Variants in DSC3 observed in about 807,000 individuals in gnomAD.
DSC3 encodes the protein desmocollin-3.
In DSC3, 97 loss-of-function variants were observed where a neutral mutation model predicts 89.5. The ratio of observed to expected loss-of-function variants is 1.08; its 90% CI spans 0.92 to 1.28. The LOEUF (loss-of-function observed/expected upper bound fraction) is 1.28. DSC3 is among the 50% of genes most tolerant of loss of function. DSC3 has a pLI of 0.00. For missense variants in DSC3, 1,199 were observed against 1,085.3 expected (o/e 1.10, Z -1.47); for synonymous variants, 436 against 384.1 (o/e 1.14, Z -1.58).
chr18:31,001,635 G>A lies in DSC3; in HGVS notation c.2218C>T (p.Pro740Ser), dbSNP rs114935867. Residue 740 changes from proline to serine, a missense_variant, in exon 14 of 16, where the codon CCT becomes TCT. Coordinates refer to ENST00000360428, the MANE Select transcript of DSC3 (RefSeq NM_001941.5). ...TTACTTACCACTCTATCGTCTCCAG[G>A]TGCTTCTGTGTTTGATATAATTAAG... ...QNLIISNTEA[P>S]GDDRVCSANG... 5,131 of 1,610,450 alleles carry A rather than the reference G, an allele frequency of 3.2e-3. 10 individuals carry two copies. Among genetic ancestry groups the A allele is most frequent in the Non-Finnish European group, 3.8e-3 (4,485 of 1,177,796 alleles).
At chr18:31,018,474 G>A (rs1164759672) in intron 8 of DSC3, among the ~76,000 whole-genome samples, 192 bp downstream of exon 8, 1 of 151,994 alleles carries the variant, frequency 6.6e-6, no homozygotes, top group Non-Finnish European at 1.5e-5. Flanking sequence ...TTTGACAGAA[G>A]GGAGATAATA....
intron 13 of DSC3, among the ~76,000 whole-genome samples, chr18:31,002,378 A>T (rs58079690): frequency 0.013 from 2,044 of 152,314 alleles, 45 homozygotes; most frequent in African/African-American, 0.047. Flanking sequence ...AAAATGGTTG[A>T]AAAAATTCAG....
At chr18:31,009,056 T>G (rs986329510) in intron 9 of DSC3, among the ~76,000 whole-genome samples, 1 of 152,134 alleles carries the variant, frequency 6.6e-6, no homozygotes, top group East Asian at 1.9e-4. Flanking sequence ...TTCTTTTATT[T>G]TATTTTTGAG....
Position 31,008,303 on chromosome 18 carries a change from A to G in DSC3, c.1486T>C (p.Tyr496His), listed in dbSNP as rs771806710. The change falls in exon 10 of 16, where the codon TAT becomes CAT. Residue 496 changes from tyrosine (Y) to histidine (H), a missense_variant. Transcript: ENST00000360428. Reference protein sequence around the residue: ...VGSKINGYKAYDPENRNGNGL... With the variant: ...VGSKINGYKAHDPENRNGNGL... The stretch of plus-strand genomic sequence containing the variant: ...TTGCCATTTCTATTTTCGGGGTCAT[A>G]TGCCTTATAGCCGTTGATCTTTGAC... 3 of 1,614,102 alleles carry G rather than the reference A, an allele frequency of 1.9e-6. No individual in the cohort carries two copies. In the Admixed American group the frequency reaches 5.0e-5, roughly 27 times the overall value.
chr18:31,036,779 C>T (rs1985982177), intron 1 of DSC3, among the ~76,000 whole-genome samples: 3 of 118,732 alleles, frequency 2.5e-5, no homozygotes, highest in Admixed American at 8.5e-5. Context: ...ATTATATTTC[C>T]TTTTTGCTTT....
chr18:31,025,655 C>T, intron 5 of DSC3, 105 bp downstream of exon 5: 3 of 1,220,542 alleles, frequency 2.5e-6, no homozygotes, highest in Admixed American at 1.7e-5. Context: ...TCTAAGATAC[C>T]CTCTAAGAAG....
chr18:31,009,200 G>A (rs1475953229), intron 9 of DSC3, among the ~76,000 whole-genome samples: 1 of 152,020 alleles, frequency 6.6e-6, no homozygotes, highest in African/African-American at 2.4e-5. Flanking sequence ...ACAGGCACGT[G>A]CCACCATAAT....
chr18:31,024,244 G>A lies in DSC3; in HGVS notation c.775+105C>T, dbSNP rs145692468. The stretch of plus-strand genomic sequence containing the variant: ...TCTGGTAAGTAGATTCTAGTTCAGC[G>A]TTATCTCAGGCTGATCTGGCCTTGA... On this transcript the variant is annotated intron_variant, in intron 6 of 15. Coordinates refer to ENST00000360428, the MANE Select transcript of DSC3 (RefSeq NM_001941.5). The A allele has an allele frequency of 1.1e-3, 1,185 of 1,086,038 alleles. 6 individuals carry two copies. In the African/African-American group the frequency reaches 0.017, roughly 16 times the overall value. The allele number at this position is 1,086,038 out of a possible 1,614,324, so 67.3% of individuals were successfully genotyped here. A position where few individuals can be genotyped will look rare whatever the true frequency, so the allele number is the denominator to read the frequency against.
At chr18:31,010,005 T>A (rs1304146684) in intron 9 of DSC3, among the ~76,000 whole-genome samples, 3 of 152,382 alleles carry the variant, frequency 2.0e-5, no homozygotes, top group Non-Finnish European at 4.4e-5. Context: ...CACTGTACTA[T>A]AAAGTTGAAG....
rs1484876052 is a variant in DSC3, at chr18:31,006,015, A to T, written c.1888+892T>A. Among the ~76,000 whole-genome samples the T allele has an allele frequency of 4.6e-5, 7 of 152,224 alleles. No homozygotes were observed. The East Asian group carries it at 1.3e-3, about 29-fold the overall frequency. ...ATGGAAAAGGAGGTATTCTATGTAG[A>T]TATGGCTATATACACAAAAGCCCAG... On this transcript the variant is annotated intron_variant, in intron 12 of 15. Transcript: ENST00000360428.
In DSC3 at chr18:30,996,969, T is replaced by G. The variant is rs1984496000; in HGVS notation, c.2315A>C (p.Lys772Thr). 1 of 1,614,058 alleles carries G rather than the reference T, an allele frequency of 6.2e-7. No individual in the cohort carries two copies. Among genetic ancestry groups the G allele is most frequent in the African/African-American group, 1.3e-5 (1 of 74,934 alleles). ...TTCAATGGTTTCCTGCCCTCCATTTTTCATTCCTGATCCCATAGTACCACA... is the reference window on the plus strand; with the variant it reads ...TTCAATGGTTTCCTGCCCTCCATTTGTCATTCCTGATCCCATAGTACCACA... ...GFCGTMGSGM[K>T]NGGQETIEMM... is the part of the protein sequence containing the mutation. The change falls in exon 15 of 16, where the codon AAA becomes ACA. Residue 772 changes from lysine (K) to threonine (T), a missense_variant. Coordinates refer to ENST00000360428, the MANE Select transcript of DSC3 (RefSeq NM_001941.5).
rs532098979 is a variant in DSC3 at position 31,007,884 on chromosome 18, G to C, written c.1663+132C>G. 21 of 846,956 alleles carry C rather than the reference G, an allele frequency of 2.5e-5. No individual in the cohort carries two copies. In the African/African-American group the frequency reaches 3.4e-4, roughly 14 times the overall value. 52.5% of individuals were successfully genotyped at this position (846,956 alleles called of 1,614,324 possible). On this transcript the variant is annotated intron_variant, in intron 11 of 15. Transcript: ENST00000360428. ...GTTTCACCTTGTTAGATAATTAAGA[G>C]AGACAGAAAGAGTCTTTAAAGTAAT... is the stretch of plus-strand genomic sequence containing the variant.
At chr18:31,036,050 A>C (rs894677817) in intron 1 of DSC3, among the ~76,000 whole-genome samples, 1 of 151,974 alleles carries the variant, frequency 6.6e-6, no homozygotes, top group Non-Finnish European at 1.5e-5. Flanking sequence ...ATTGCTTTTC[A>C]TTTCTTCTAT....
At chr18:30,998,608 A>C (rs1984552672) in intron 14 of DSC3, among the ~76,000 whole-genome samples, 1 of 152,216 alleles carries the variant, frequency 6.6e-6, no homozygotes, top group Non-Finnish European at 1.5e-5. Flanking sequence ...AAAATAAAAA[A>C]GGGCTAAGGA....
chr18:31,000,333 C>G (rs892656371), intron 14 of DSC3, among the ~76,000 whole-genome samples: 2 of 152,168 alleles, frequency 1.3e-5, no homozygotes, highest in African/African-American at 4.8e-5. Context: ...CTTAATATAA[C>G]AATTACCATC....
Position 30,993,200 on chromosome 18 carries a change from C to G in DSC3, c.*975G>C, listed in dbSNP as rs549927006. On this transcript the variant is annotated 3_prime_UTR_variant, in exon 16 of 16. Transcript: ENST00000360428. ...TAAAATGTTTTTGTTATTAGCTCCC[C>G]GAAAAAAACACCTCATCTCTGGACC... 6.6e-6 allele frequency: 1 copy of G among 151,980 alleles called. No homozygotes were observed. The highest frequency in any genetic ancestry group is 2.4e-5 in the African/African-American group (1 of 41,358). 9.4% of individuals were successfully genotyped at this position (151,980 alleles called of 1,614,324 possible).
chr18:31,012,804 C>G (rs769832464), intron 9 of DSC3, among the ~76,000 whole-genome samples: 3 of 151,994 alleles, frequency 2.0e-5, no homozygotes. Flanking sequence ...TATGGTAAAT[C>G]CTTTTTGTGG....
chr18:31,006,252 A>G (rs1984835511), intron 12 of DSC3, among the ~76,000 whole-genome samples: 1 of 151,604 alleles, frequency 6.6e-6, no homozygotes, highest in Non-Finnish European at 1.5e-5. Context: ...TTACAATACA[A>G]TTTAAACTAC....
At chr18:31,009,735 C>T (rs1984993424) in intron 9 of DSC3, among the ~76,000 whole-genome samples, 1 of 152,060 alleles carries the variant, frequency 6.6e-6, no homozygotes, top group South Asian at 2.1e-4. Context: ...TATTATTGAC[C>T]TCATCCTCAT....
Sources: allele counts gnomAD v4.1 joint callset (sites outside exome capture counted in the v4.1 genomes callset), GRCh38; gene constraint gnomAD v4.1.1; transcripts MANE v1.5; gene names NCBI Gene and HGNC (gene_info 2026-07-23, HGNC 2026-07-21).